ZNF787: variants seen among roughly 807,000 people sequenced by gnomAD.
ZNF787 encodes TTF-I-interacting peptide 20.
ZNF787 carries 7 observed loss-of-function variants against 16.9 expected under a neutral mutation model. The observed-to-expected ratio is 0.42, with a 90% CI of 0.24 to 0.78. ZNF787 has a LOEUF of 0.78. Among genes scored for constraint, ZNF787 ranks in the 30% least tolerant of loss-of-function variants. The pLI, the probability that ZNF787 is intolerant of heterozygous loss-of-function variation, is 0.30. For synonymous variants in ZNF787, 345 were observed against 270.9 expected (o/e 1.27, Z -2.69); for missense variants, 551 against 589.3 (o/e 0.94, Z 0.67).
intron 2 of ZNF787, among the ~76,000 whole-genome samples, chr19:56,098,838 T>TGCTGCCCGGGGGATG (rs1985980284): frequency 9.0e-6 from 1 of 110,900 alleles, no homozygotes; most frequent in African/African-American, 3.0e-5. Flanking sequence ...CGCAGGGTGA[T>TGCTGCCCGGGGGATG]ACGGCCGCAG....
rs539510353 is a variant in ZNF787, at chr19:56,112,030, T to G, written c.-10-8803A>C. 2.0e-5 allele frequency among the ~76,000 whole-genome samples: 3 copies of G among 152,242 alleles called. No homozygotes were observed. The East Asian group carries it at 5.8e-4, about 29-fold the overall frequency. ...TCCCTCCAGGCATGCTCTCAGCCCC[T>G]GCTGAAGCCTGTGTCCTAATCCATC... On this transcript the variant is annotated intron_variant, in intron 1 of 2. Coordinates refer to ENST00000610935, the MANE Select transcript of ZNF787 (RefSeq NM_001002836.4).
intron 1 of ZNF787, among the ~76,000 whole-genome samples, chr19:56,107,987 G>A (rs1365902792): frequency 6.6e-6 from 1 of 152,134 alleles, no homozygotes; most frequent in African/African-American, 2.4e-5. Flanking sequence ...GGGACCCTTA[G>A]AGGTGGGCAC....
chr19:56,100,793 G>C (rs1047490189), intron 2 of ZNF787, among the ~76,000 whole-genome samples: 2 of 149,612 alleles, frequency 1.3e-5, no homozygotes, highest in Admixed American at 1.3e-4. Flanking sequence ...ACGTAAGCGG[G>C]ACCCCACATG....
At chr19:56,107,688 T>C (rs1251765870) in intron 1 of ZNF787, among the ~76,000 whole-genome samples, 6 of 120,028 alleles carry the variant, frequency 5.0e-5, no homozygotes, top group African/African-American at 9.7e-5. Context: ...GGGAGGGGGG[T>C]CTAGGGGGAG....
At position 56,088,007 on chromosome 19, in the gene ZNF787, C is replaced by G. The variant is rs759136142; in HGVS notation, c.*16G>C. 13,940 of 1,203,136 alleles carry G rather than the reference C, an allele frequency of 0.012. 61 individuals carry two copies. Among genetic ancestry groups the G allele is most frequent in the Non-Finnish European group, 0.014 (13,078 of 966,102 alleles). 74.5% of individuals were successfully genotyped at this position (1,203,136 alleles called of 1,614,324 possible). A position where few individuals can be genotyped will look rare whatever the true frequency, so the allele number is the denominator to read the frequency against. ...GCCCGAGGGGCCCTGCCCGCCCCCC[C>G]CCCCGGGCCCCTCCCCTACCGGCCC... On this transcript the variant is annotated 3_prime_UTR_variant, in exon 3 of 3. Coordinates refer to ENST00000610935, the MANE Select transcript of ZNF787 (RefSeq NM_001002836.4). This position sits in a 1 kb window ranked among gnomAD's most constrained non-coding sequence, Gnocchi z 8.6.
intron 1 of ZNF787, among the ~76,000 whole-genome samples, chr19:56,107,193 T>C (rs1022376061): frequency 1.2e-4 from 19 of 152,232 alleles, no homozygotes; most frequent in African/African-American, 3.9e-4. Flanking sequence ...GTCCCCATTA[T>C]GCAGATGAGG....
intron 1 of ZNF787, among the ~76,000 whole-genome samples, chr19:56,118,960 A>G (rs1016811952): frequency 2.6e-5 from 4 of 151,850 alleles, no homozygotes; most frequent in African/African-American, 7.3e-5. Context: ...CTTCCTCTCT[A>G]TCTTTCAAGA....
At chr19:56,091,291 G>A (rs1042414495) in intron 2 of ZNF787, among the ~76,000 whole-genome samples, 3 of 152,128 alleles carry the variant, frequency 2.0e-5, no homozygotes, top group African/African-American at 7.2e-5. Context: ...CTTTGTTTTC[G>A]AAGCTGTGAA....
rs11881819 is a variant in ZNF787 at position 56,092,175 on chromosome 19, G to A, written c.80-3083C>T. On this transcript the variant is annotated intron_variant, in intron 2 of 2. Coordinates refer to ENST00000610935, the MANE Select transcript of ZNF787 (RefSeq NM_001002836.4). ...GAGAAGAGCACGGTGAGGAGCACAAGAGTTCTCATTCAATTAAAAAAATAA... is the reference window on the plus strand; with the variant it reads ...GAGAAGAGCACGGTGAGGAGCACAAAAGTTCTCATTCAATTAAAAAAATAA... Among the ~76,000 whole-genome samples, 453 of 152,306 alleles carry A rather than the reference G, an allele frequency of 3.0e-3. 3 individuals are homozygous for A. Among genetic ancestry groups the A allele is most frequent in the African/African-American group, 0.01 (431 of 41,568 alleles).
chr19:56,108,542 T>C (rs1346124749), intron 1 of ZNF787, among the ~76,000 whole-genome samples: 1 of 152,002 alleles, frequency 6.6e-6, no homozygotes, highest in East Asian at 1.9e-4. Context: ...TAACGCCTGC[T>C]ACTCTGCCAC....
At position 56,088,158 on chromosome 19, in the gene ZNF787, G is replaced by T; in HGVS notation, c.1014C>A (p.Ile338=). Residue 338 remains isoleucine (I), a synonymous_variant, in exon 3 of 3, where the codon ATC becomes ATA. Coordinates refer to ENST00000610935, the MANE Select transcript of ZNF787 (RefSeq NM_001002836.4). The surrounding 1 kb of genome is among the most constrained non-coding windows in gnomAD (Gnocchi z 8.6). ...QGAALRRHKK[I]HAVGAPSVCS... is the part of the protein sequence containing the mutation. ...AGACCGAGGGCGCGCCCACCGCGTGGATCTTCTTGTGTCTCCGGAGCGCGG... is the reference window on the plus strand; with the variant it reads ...AGACCGAGGGCGCGCCCACCGCGTGTATCTTCTTGTGTCTCCGGAGCGCGG... 6.4e-7 allele frequency: 1 copy of T among 1,555,302 alleles called. No homozygotes were observed. Among genetic ancestry groups the T allele is most frequent in the South Asian group, 1.2e-5 (1 of 86,270 alleles).
chr19:56,104,672 GAA>G (rs967726866), intron 1 of ZNF787, among the ~76,000 whole-genome samples: 25 of 152,098 alleles, frequency 1.6e-4, no homozygotes, highest in African/African-American at 6.0e-4. Context: ...CCGTGACTGT[GAA>G]AGTCTCTACG....
Position 56,094,268 on chromosome 19 carries a change from G to C in ZNF787, c.80-5176C>G, listed in dbSNP as rs926900766. ...GCTGGTCTTGAACCTCTGCCCTCAA[G>C]TGATCCACCCGCCTTGGCCTCCCAA... On this transcript the variant is annotated intron_variant, in intron 2 of 2. Coordinates refer to ENST00000610935, the MANE Select transcript of ZNF787 (RefSeq NM_001002836.4). 4.2e-5 allele frequency among the ~76,000 whole-genome samples: 6 copies of C among 141,862 alleles called. No homozygotes were observed. In the East Asian group the frequency reaches 1.4e-3, roughly 33 times the overall value. 93.1% of individuals were successfully genotyped at this position (141,862 alleles called of 152,430 possible). A position where few individuals can be genotyped will look rare whatever the true frequency, so the allele number is the denominator to read the frequency against.
At chr19:56,107,897 G>A (rs918783759) in intron 1 of ZNF787, among the ~76,000 whole-genome samples, 1 of 152,122 alleles carries the variant, frequency 6.6e-6, no homozygotes, top group Non-Finnish European at 1.5e-5. Context: ...TGAAGGCCGG[G>A]CATGCTGGGG....
In ZNF787 at chr19:56,088,531, G is replaced by T; in HGVS notation, c.641C>A (p.Ala214Glu). Residue 214 changes from alanine to glutamate, a missense_variant, in exon 3 of 3, where the codon GCG (alanine) becomes GAG (glutamate). Ala to Glu is a moderately radical substitution (Grantham distance 107). Transcript: ENST00000610935. The surrounding 1 kb of genome is among the most constrained non-coding windows in gnomAD (Gnocchi z 8.6). ...CCCCTTGGCCCGCCGGACGCTAGCC[G>T]CCAGCACCTTGGCCGCCACGCCAGG... is the stretch of plus-strand genomic sequence containing the variant. ...SGPGVAAKVL[A>E]ASVRRAKGPE... 6.9e-7 allele frequency: 1 copy of T among 1,448,190 alleles called. No homozygotes were observed. Among genetic ancestry groups the T allele is most frequent in the Non-Finnish European group, 9.0e-7 (1 of 1,109,388 alleles). 89.7% of individuals were successfully genotyped at this position (1,448,190 alleles called of 1,614,324 possible). A position where few individuals can be genotyped will look rare whatever the true frequency, so the allele number is the denominator to read the frequency against.
intron 2 of ZNF787, among the ~76,000 whole-genome samples, chr19:56,098,095 G>T (rs1985938367): frequency 6.6e-6 from 1 of 152,046 alleles, no homozygotes; most frequent in African/African-American, 2.4e-5. Flanking sequence ...GGAGCCTGGG[G>T]CCCATACAGC....
chr19:56,100,873 G>A lies in ZNF787; in HGVS notation c.79+2266C>T, dbSNP rs1211089513. On this transcript the variant is annotated intron_variant, in intron 2 of 2. Coordinates refer to ENST00000610935, the MANE Select transcript of ZNF787 (RefSeq NM_001002836.4). Reference sequence around the variant, plus strand: ...TCTGTCACTGTCACATAGGAGGGACGCATGTAGGCGGGACTCCATACGCCA... The same window carrying A: ...TCTGTCACTGTCACATAGGAGGGACACATGTAGGCGGGACTCCATACGCCA... Among the ~76,000 whole-genome samples, 15 of 134,062 alleles carry A rather than the reference G, an allele frequency of 1.1e-4. 3 individuals carry two copies. The highest frequency in any genetic ancestry group is 2.0e-4 in the African/African-American group (7 of 34,784). The allele number at this position is 134,062 out of a possible 152,430, so 87.9% of individuals were successfully genotyped here. A position where few individuals can be genotyped will look rare whatever the true frequency, so the allele number is the denominator to read the frequency against.
At chr19:56,102,956 C>G (rs1211735265) in intron 2 of ZNF787, 183 bp downstream of exon 2, 1 of 726,240 alleles carries the variant, frequency 1.4e-6, no homozygotes, top group Non-Finnish European at 2.5e-6. Flanking sequence ...AGCCACAACA[C>G]TAGCCCTCCC....
chr19:56,091,977 C>G (rs548177108), intron 2 of ZNF787, among the ~76,000 whole-genome samples: 14 of 150,844 alleles, frequency 9.3e-5, no homozygotes, highest in African/African-American at 3.4e-4. Context: ...AAGCCAAAGC[C>G]GAAGGCGAAA....
Sources: allele counts gnomAD v4.1 joint callset (sites outside exome capture counted in the v4.1 genomes callset), GRCh38; gene constraint gnomAD v4.1.1; non-coding constraint Gnocchi (gnomAD v3.1); transcripts MANE v1.5; gene names NCBI Gene and HGNC (gene_info 2026-07-23, HGNC 2026-07-21).